Variants in DGKB observed in about 807,000 individuals in gnomAD.
The protein encoded by DGKB is 90 kDa diacylglycerol kinase.
Under a neutral mutation model 114.3 loss-of-function variants are expected in DGKB, and 67 were observed. That is an observed-to-expected ratio of 0.59 (90% CI 0.48 to 0.72). DGKB has a LOEUF of 0.72. Ranked by LOEUF, DGKB falls within the 30% of genes least tolerant of loss-of-function variation. The pLI, the probability that DGKB is intolerant of heterozygous loss-of-function variation, is 0.00. For missense variants in DGKB, 907 were observed against 975.2 expected, an observed-to-expected ratio of 0.93 and a Z score of 0.93; for synonymous variants, 398 against 323.1, an observed-to-expected ratio of 1.23 and a Z score of -2.49.
At chr7:14,249,323 T>C (rs542551052) in intron 23 of DGKB, among the ~76,000 whole-genome samples, 1 of 152,312 alleles carries the variant, frequency 6.6e-6, no homozygotes, top group South Asian at 2.1e-4. Flanking sequence ...AGTGTTTTTA[T>C]CTGGCTTTGT....
intron 21 of DGKB, among the ~76,000 whole-genome samples, chr7:14,364,858 C>T (rs1816380434): frequency 6.6e-6 from 1 of 151,894 alleles, no homozygotes; most frequent in Admixed American, 6.6e-5. Context: ...AACCAAAAGT[C>T]GTGGAGCAAC....
intron 13 of DGKB, among the ~76,000 whole-genome samples, chr7:14,644,743 T>C (rs1448769702): frequency 6.6e-6 from 1 of 151,696 alleles, no homozygotes; most frequent in Non-Finnish European, 1.5e-5. Flanking sequence ...ATTCTGGGAG[T>C]TCCAAAAAGA....
chr7:14,567,999 G>T (rs754891221), intron 20 of DGKB, among the ~76,000 whole-genome samples: 10 of 152,226 alleles, frequency 6.6e-5, no homozygotes, highest in Middle Eastern at 6.8e-3. Flanking sequence ...AGTGAATGAA[G>T]AAACAACTAT....
chr7:14,757,788 C>T (rs2128447286), intron 2 of DGKB, 57 bp from the exon 3 acceptor site: 3 of 919,498 alleles, frequency 3.3e-6, no homozygotes, highest in East Asian at 2.5e-5. Flanking sequence ...GGTTGTGTAG[C>T]CCAGTCCAGA....
In DGKB at chr7:14,574,362, A is replaced by T. The variant is rs759125312; in HGVS notation, c.1620T>A (p.Gly540=). 7 of 1,607,568 alleles carry T rather than the reference A, an allele frequency of 4.4e-6. No individual in the cohort carries two copies. Among genetic ancestry groups the T allele is most frequent in the Non-Finnish European group, 5.9e-6 (7 of 1,178,138 alleles). The change falls in exon 20 of 26, where the codon GGT becomes GGA. Residue 540 remains glycine (G), a synonymous_variant. Coordinates refer to ENST00000402815, the MANE Select transcript of DGKB (RefSeq NM_001350709.2). ...RCLRWGGGYE[G]ENLMKILKDI... ...CTTTTAGAATTTTCATCAGATTCTCACCTTCGTAACCTAGTGGGAAAAAAA... is the reference window on the plus strand; with the variant it reads ...CTTTTAGAATTTTCATCAGATTCTCTCCTTCGTAACCTAGTGGGAAAAAAA...
At chr7:14,329,471 GTTA>G (rs557980683) in intron 23 of DGKB, among the ~76,000 whole-genome samples, 103 of 152,064 alleles carry the variant, frequency 6.8e-4, no homozygotes, top group Admixed American at 2.9e-3. Context: ...GTTTTTCTCA[GTTA>G]TTATTCTCTA....
intron 23 of DGKB, among the ~76,000 whole-genome samples, chr7:14,184,807 T>C (rs992806602): frequency 5.3e-5 from 8 of 152,148 alleles, no homozygotes; most frequent in Non-Finnish European, 7.4e-5. Flanking sequence ...AAAAAAAGCA[T>C]TGGATTAAAT....
At chr7:14,445,585 T>C (rs1194618172) in intron 21 of DGKB, among the ~76,000 whole-genome samples, 13 of 151,988 alleles carry the variant, frequency 8.6e-5, no homozygotes, top group Non-Finnish European at 1.9e-4. Context: ...GAAGGTAAAA[T>C]GCATAATCTG....
At chr7:14,578,259 A>G (rs749870566) in intron 19 of DGKB, among the ~76,000 whole-genome samples, 1 of 152,068 alleles carries the variant, frequency 6.6e-6, no homozygotes, top group Non-Finnish European at 1.5e-5. Flanking sequence ...AGTCAATTAA[A>G]CCTTTCTTTA....
chr7:14,762,842 AT>A (rs1835905054), intron 2 of DGKB, among the ~76,000 whole-genome samples: 1 of 152,124 alleles, frequency 6.6e-6, no homozygotes, highest in African/African-American at 2.4e-5. Flanking sequence ...GTTTTCTAAT[AT>A]TTAAAATTAG....
intron 1 of DGKB, among the ~76,000 whole-genome samples, chr7:14,945,920 C>T (rs1386885832): frequency 6.6e-6 from 1 of 151,432 alleles, no homozygotes; most frequent in East Asian, 1.9e-4. Context: ...TTTTCTACAT[C>T]TATAATCTAA....
intron 20 of DGKB, among the ~76,000 whole-genome samples, chr7:14,508,942 G>A (rs1423274217): frequency 6.6e-6 from 1 of 152,082 alleles, no homozygotes; most frequent in African/African-American, 2.4e-5. Flanking sequence ...AGTATTTTAT[G>A]AACAATGTCA....
In DGKB at chr7:14,145,436, G is replaced by A. The variant is rs1156744286; in HGVS notation, c.*3695C>T. The A allele has an allele frequency of 6.7e-6, 1 of 149,112 alleles. No homozygotes were observed. The highest frequency in any genetic ancestry group is 2.5e-5 in the African/African-American group (1 of 40,728). 9.2% of individuals were successfully genotyped at this position (149,112 alleles called of 1,614,324 possible). On this transcript the variant is annotated 3_prime_UTR_variant, in exon 26 of 26. Transcript: ENST00000402815. The stretch of plus-strand genomic sequence containing the variant: ...TTCAGTATTGAATAATCCTTTGGGG[G>A]TTATACGTGCCATGAAAAGTACATT...
chr7:14,502,643 A>G (rs1786381796), intron 20 of DGKB, among the ~76,000 whole-genome samples: 2 of 152,102 alleles, frequency 1.3e-5, no homozygotes, highest in Admixed American at 1.3e-4. Flanking sequence ...TGATAGAAAT[A>G]TAGAGATCGC....
chr7:14,946,118 TTTG>T (rs138639450), intron 1 of DGKB, among the ~76,000 whole-genome samples: 3,081 of 140,956 alleles, frequency 0.022, 34 homozygotes, highest in Middle Eastern at 0.05. Flanking sequence ...TTCATTTTGA[TTTG>T]TTGAGAATAT....
At chr7:14,811,851 T>A (rs969806548) in intron 2 of DGKB, among the ~76,000 whole-genome samples, 2 of 151,856 alleles carry the variant, frequency 1.3e-5, no homozygotes, top group Non-Finnish European at 2.9e-5. Flanking sequence ...ATATTAAGTA[T>A]ATTCACATTA....
chr7:14,405,137 C>G (rs1823739224), intron 21 of DGKB, among the ~76,000 whole-genome samples: 1 of 151,436 alleles, frequency 6.6e-6, no homozygotes, highest in Non-Finnish European at 1.5e-5. Context: ...TCAAGTTTCT[C>G]AAGACTAGAA....
At chr7:14,406,613 C>T (rs1410760665) in intron 21 of DGKB, among the ~76,000 whole-genome samples, 1 of 151,952 alleles carries the variant, frequency 6.6e-6, no homozygotes, top group African/African-American at 2.4e-5. Context: ...TTTAAAAAAA[C>T]ATGCTCTTAG....
intron 21 of DGKB, among the ~76,000 whole-genome samples, chr7:14,441,013 T>A (rs149157491): frequency 6.6e-6 from 1 of 152,240 alleles, no homozygotes; most frequent in East Asian, 1.9e-4. Context: ...ATTTTTCTTC[T>A]TTTAGAATTC....
Sources: gnomAD v4.1 joint callset for allele counts (sites outside exome capture counted in the v4.1 genomes callset) on GRCh38, gnomAD v4.1.1 for gene constraint, MANE v1.5 for transcripts, NCBI Gene and HGNC (gene_info 2026-07-23, HGNC 2026-07-21) for gene names.